Variants in TUSC3 observed in about 807,000 individuals in gnomAD.
The protein encoded by TUSC3 is tumor suppressor candidate 3.
TUSC3 carries 45 observed loss-of-function variants against 44.8 expected under a neutral mutation model. The ratio of observed to expected loss-of-function variants is 1.00; its 90% confidence interval spans 0.79 to 1.29. The LOEUF (loss-of-function observed/expected upper bound fraction) is 1.29. TUSC3 is among the 50% of genes most tolerant of loss of function. The pLI, the probability that TUSC3 is intolerant of heterozygous loss-of-function variation, is 0.00. For synonymous variants in TUSC3, 212 were observed against 152.9 expected (o/e 1.39, Z -2.85); for missense variants, 519 against 437.9 (o/e 1.19, Z -1.65).
the TUSC3 span, among the ~76,000 whole-genome samples, chr8:15,813,051 G>A: frequency 3.3e-5 from 5 of 152,022 alleles, no homozygotes; most frequent in Admixed American, 2.0e-4. Context: ...CTGAGATCGC[G>A]CCACTGCACT....
chr8:15,651,544 A>T (rs1392282182), intron 3 of TUSC3, among the ~76,000 whole-genome samples: 1 of 152,208 alleles, frequency 6.6e-6, no homozygotes, highest in African/African-American at 2.4e-5. Flanking sequence ...ACTGATGTCC[A>T]TATAAGACGA....
At chr8:15,752,304 C>T (rs1385598772) in intron 9 of TUSC3, among the ~76,000 whole-genome samples, 1 of 151,934 alleles carries the variant, frequency 6.6e-6, no homozygotes, top group Non-Finnish European at 1.5e-5. Context: ...ATGGTATATT[C>T]TGAGGATTAT....
chr8:15,783,984 A>T, the TUSC3 span, among the ~76,000 whole-genome samples: 5 of 152,114 alleles, frequency 3.3e-5, no homozygotes, highest in South Asian at 1.0e-3. Flanking sequence ...TATATAAGTA[A>T]CTCAAACTAC....
chr8:15,809,074 C>A, the TUSC3 span, among the ~76,000 whole-genome samples: 2 of 152,126 alleles, frequency 1.3e-5, no homozygotes, highest in African/African-American at 2.4e-5. Context: ...AGAAAGCCAG[C>A]AAACCCAGAT....
At chr8:15,831,589 A>G in the TUSC3 span, among the ~76,000 whole-genome samples, 793 of 152,320 alleles carry the variant, frequency 5.2e-3, 31 homozygotes, top group Admixed American at 0.048. Flanking sequence ...CAAAATAGCC[A>G]GTATAGAAAA....
intron 7 of TUSC3, among the ~76,000 whole-genome samples, chr8:15,735,217 A>T (rs1325285339): frequency 6.6e-6 from 1 of 152,144 alleles, no homozygotes; most frequent in Non-Finnish European, 1.5e-5. Flanking sequence ...GCTGCTGGCA[A>T]TGGTTCATCC....
rs13269673 is a variant in TUSC3 at position 15,541,747 on chromosome 8, G to C, written c.138+1179G>C. 6.6e-5 allele frequency among the ~76,000 whole-genome samples: 10 copies of C among 151,676 alleles called. 1 individual carries two copies. The East Asian group carries it at 1.9e-3, about 29-fold the overall frequency. On this transcript the variant is annotated intron_variant, in intron 1 of 10. Transcript: ENST00000503731. ...ATTGTATTTACAAATATAAATTAAT[G>C]ATTTTTTTTAGCACTTGGTATTTGT... is the stretch of plus-strand genomic sequence containing the variant.
intron 2 of TUSC3, among the ~76,000 whole-genome samples, chr8:15,487,688 T>C (rs560880401): frequency 3.3e-5 from 5 of 152,226 alleles, no homozygotes; most frequent in African/African-American, 1.2e-4. Context: ...TACTCCAATA[T>C]CAGCACATCT....
chr8:15,726,917 A>T (rs1402725928), intron 6 of TUSC3, among the ~76,000 whole-genome samples: 1 of 152,228 alleles, frequency 6.6e-6, no homozygotes. Flanking sequence ...ATCGGTATCC[A>T]TTATCAAAGC....
intron 1 of TUSC3, among the ~76,000 whole-genome samples, chr8:15,481,183 G>T (rs572068610): frequency 1.3e-5 from 2 of 151,092 alleles, no homozygotes; most frequent in African/African-American, 4.9e-5. Context: ...GGAAGCAGAG[G>T]CTGTGGTGAG....
At chr8:15,424,534 G>A (rs544916269) in intron 1 of TUSC3, among the ~76,000 whole-genome samples, 17 of 152,278 alleles carry the variant, frequency 1.1e-4, no homozygotes, top group African/African-American at 3.6e-4. Flanking sequence ...TCTGCCCACC[G>A]CAGCAGACCC....
chr8:15,731,570 A>G (rs546047505), intron 7 of TUSC3, among the ~76,000 whole-genome samples: 1 of 152,288 alleles, frequency 6.6e-6, no homozygotes, highest in South Asian at 2.1e-4. Context: ...TAGAGCCCAC[A>G]AAGGGCTTAT....
At chr8:15,495,065 TG>T (rs1243131713) in intron 2 of TUSC3, among the ~76,000 whole-genome samples, 1 of 152,234 alleles carries the variant, frequency 6.6e-6, no homozygotes, top group Non-Finnish European at 1.5e-5. Flanking sequence ...CCATCTTTGC[TG>T]CTGCAAAATA....
At chr8:15,433,856 G>C (rs928575575) in intron 1 of TUSC3, among the ~76,000 whole-genome samples, 4 of 151,954 alleles carry the variant, frequency 2.6e-5, no homozygotes, top group African/African-American at 9.7e-5. Context: ...TCCAGTTGGG[G>C]GTCATTATTA....
At chr8:15,480,786 T>C (rs1800647959) in intron 1 of TUSC3, among the ~76,000 whole-genome samples, 1 of 152,194 alleles carries the variant, frequency 6.6e-6, no homozygotes, top group African/African-American at 2.4e-5. Context: ...TCATTTAACC[T>C]ATTACCTATT....
chr8:15,776,128 G>C, the TUSC3 span, among the ~76,000 whole-genome samples: 1 of 152,038 alleles, frequency 6.6e-6, no homozygotes, highest in East Asian at 1.9e-4. Context: ...AGCCTTGAAT[G>C]ATGTTTTAAC....
the TUSC3 span, among the ~76,000 whole-genome samples, chr8:15,797,046 G>A: frequency 2.6e-5 from 4 of 152,272 alleles, no homozygotes; most frequent in Admixed American, 6.5e-5. Context: ...TAACTGCATC[G>A]TCTGTCTCAA....
intron 7 of TUSC3, among the ~76,000 whole-genome samples, chr8:15,738,654 A>G (rs1811038112): frequency 6.6e-6 from 1 of 151,868 alleles, no homozygotes; most frequent in African/African-American, 2.4e-5. Flanking sequence ...AAAAATCCAC[A>G]CTTTTATTAA....
chr8:15,430,994 C>A (rs1799866590), intron 1 of TUSC3, among the ~76,000 whole-genome samples: 1 of 151,694 alleles, frequency 6.6e-6, no homozygotes, highest in African/African-American at 2.4e-5. Flanking sequence ...TGAAGTGATA[C>A]ATGTCTAAGA....
Sources: allele counts gnomAD v4.1 joint callset (sites outside exome capture counted in the v4.1 genomes callset), GRCh38; gene constraint gnomAD v4.1.1; transcripts MANE v1.5; gene names NCBI Gene and HGNC (gene_info 2026-07-23, HGNC 2026-07-21).